Variants in ATRNL1 observed in about 807,000 individuals in gnomAD.
ATRNL1 encodes attractin like 1, also known as attractin-like protein 1.
A neutral mutation model predicts 182.7 loss-of-function variants in ATRNL1; 95 were observed. The ratio of observed to expected loss-of-function variants is 0.52; its 90% CI spans 0.44 to 0.62. The LOEUF is 0.62. Ranked by LOEUF, ATRNL1 falls within the 20% of genes least tolerant of loss-of-function variation. The probability of loss-of-function intolerance (pLI) is 0.00; values close to 1 mark genes in which losing one functional copy is unlikely to be tolerated. For synonymous variants in ATRNL1, 576 were observed against 568.3 expected, an observed-to-expected ratio of 1.01 and a Z score of -0.19; for missense variants, 1,471 against 1,679.5, an observed-to-expected ratio of 0.88 and a Z score of 2.17.
chr10:115,304,864 T>C (rs1159063200), intron 17 of ATRNL1, among the ~76,000 whole-genome samples: 1 of 152,198 alleles, frequency 6.6e-6, no homozygotes, highest in African/African-American at 2.4e-5. Context: ...GGCTTGCATA[T>C]GCATACTAAA....
At chr10:115,468,133 A>G (rs1848141022) in intron 23 of ATRNL1, among the ~76,000 whole-genome samples, 1 of 150,736 alleles carries the variant, frequency 6.6e-6, no homozygotes, top group African/African-American at 2.4e-5. Flanking sequence ...GCATTTTGTT[A>G]CTATTAGTGC....
At chr10:115,812,324 C>T (rs1950064947) in intron 27 of ATRNL1, among the ~76,000 whole-genome samples, 1 of 152,086 alleles carries the variant, frequency 6.6e-6, no homozygotes, top group African/African-American at 2.4e-5. Context: ...TATTTGTTTA[C>T]AAGGTTCTTG....
intron 19 of ATRNL1, among the ~76,000 whole-genome samples, chr10:115,338,912 T>G (rs555449159): frequency 1.3e-5 from 2 of 152,184 alleles, no homozygotes; most frequent in Non-Finnish European, 2.9e-5. Context: ...TGGCAAGAGA[T>G]AGGCTCTAGT....
intron 26 of ATRNL1, among the ~76,000 whole-genome samples, chr10:115,619,975 C>T (rs1392543691): frequency 1.3e-5 from 2 of 152,166 alleles, no homozygotes; most frequent in Non-Finnish European, 2.9e-5. Flanking sequence ...GAGGTGTTTA[C>T]ATTAAGCCAG....
chr10:115,404,231 A>G (rs1844716133), intron 20 of ATRNL1, among the ~76,000 whole-genome samples: 1 of 152,150 alleles, frequency 6.6e-6, no homozygotes, highest in Admixed American at 6.5e-5. Context: ...TCAAAACTAT[A>G]CTAGATTGAA....
chr10:115,191,820 C>T (rs755956817), intron 8 of ATRNL1, among the ~76,000 whole-genome samples: 11 of 152,084 alleles, frequency 7.2e-5, no homozygotes, highest in South Asian at 2.1e-4. Context: ...GTCAATTAAA[C>T]CCCTTTCCTT....
chr10:115,538,839 C>G (rs1215397758), intron 25 of ATRNL1, among the ~76,000 whole-genome samples: 1 of 152,146 alleles, frequency 6.6e-6, no homozygotes, highest in African/African-American at 2.4e-5. Flanking sequence ...ACATTTTGGT[C>G]TATGACAGAC....
intron 22 of ATRNL1, among the ~76,000 whole-genome samples, chr10:115,464,970 T>C (rs1847984289): frequency 6.6e-6 from 1 of 151,698 alleles, no homozygotes; most frequent in African/African-American, 2.4e-5. Flanking sequence ...AACACTACAA[T>C]TATAAGCACT....
intron 27 of ATRNL1, among the ~76,000 whole-genome samples, chr10:115,839,676 A>G (rs1035790800): frequency 6.6e-5 from 10 of 151,574 alleles, no homozygotes; most frequent in Non-Finnish European, 1.0e-4. Flanking sequence ...CTCCGTTACT[A>G]CCCCCAGGAC....
In ATRNL1 at chr10:115,398,749, G is replaced by A. The variant is rs555091684; in HGVS notation, c.3269+3997G>A. ...AGAACTTCAGATACTATGTTGAATG[G>A]AAGTGGTGAGAGAGGGCGTCCTTGT... On this transcript the variant is annotated intron_variant, in intron 20 of 28. Transcript: ENST00000355044. Among the ~76,000 whole-genome samples, 4 of 152,186 alleles carry A rather than the reference G, an allele frequency of 2.6e-5. No homozygotes were observed. In the East Asian group the frequency reaches 5.8e-4, roughly 22 times the overall value.
intron 19 of ATRNL1, among the ~76,000 whole-genome samples, chr10:115,363,925 T>TG (rs1209770269): frequency 6.6e-6 from 1 of 151,780 alleles, no homozygotes; most frequent in Non-Finnish European, 1.5e-5. Context: ...ACTGTAGCCT[T>TG]GTAGTATAGT....
chr10:115,809,534 G>A (rs1593245064), intron 27 of ATRNL1, among the ~76,000 whole-genome samples: 1 of 151,780 alleles, frequency 6.6e-6, no homozygotes, highest in African/African-American at 2.4e-5. Flanking sequence ...TAATAAATTT[G>A]TACCTAAATT....
chr10:115,734,734 C>T (rs1265758953), intron 27 of ATRNL1, among the ~76,000 whole-genome samples: 1 of 151,970 alleles, frequency 6.6e-6, no homozygotes, highest in Non-Finnish European at 1.5e-5. Context: ...AATTAATCAG[C>T]TTATTGTGTC....
intron 25 of ATRNL1, among the ~76,000 whole-genome samples, chr10:115,526,480 C>G (rs1851220898): frequency 6.6e-6 from 1 of 152,090 alleles, no homozygotes; most frequent in African/African-American, 2.4e-5. Context: ...AGGTGTTTTC[C>G]CCATCTTCCA....
intron 24 of ATRNL1, among the ~76,000 whole-genome samples, chr10:115,509,475 TAGTG>T (rs1183389988): frequency 6.6e-6 from 1 of 151,998 alleles, no homozygotes; most frequent in Non-Finnish European, 1.5e-5. Context: ...TTGGTGCTGA[TAGTG>T]AGTGAGTTCT....
At chr10:115,778,833 C>A (rs1949192763) in intron 27 of ATRNL1, among the ~76,000 whole-genome samples, 1 of 152,102 alleles carries the variant, frequency 6.6e-6, no homozygotes, top group South Asian at 2.1e-4. Flanking sequence ...GGCAAAATGA[C>A]CACAAGGCAA....
chr10:115,105,083 G>A (rs138372740), intron 1 of ATRNL1, among the ~76,000 whole-genome samples: 141 of 151,852 alleles, frequency 9.3e-4, no homozygotes, highest in African/African-American at 3.2e-3. Flanking sequence ...TTCTATTTTT[G>A]TGAAAAATGT....
At chr10:115,121,584 CCTAT>C (rs1199962471) in intron 2 of ATRNL1, 111 bp from the exon 3 acceptor site, 75 of 396,544 alleles carry the variant, frequency 1.9e-4, no homozygotes, top group African/African-American at 1.5e-3. Context: ...AATAAAATAC[CCTAT>C]CTAAAGTTTC....
At chr10:115,174,377 T>C (rs1189916891) in intron 8 of ATRNL1, among the ~76,000 whole-genome samples, 3 of 151,882 alleles carry the variant, frequency 2.0e-5, no homozygotes, top group Non-Finnish European at 4.4e-5. Context: ...ACTTTTGAAA[T>C]TTTAAAATGA....
Sources: allele counts gnomAD v4.1 joint callset (sites outside exome capture counted in the v4.1 genomes callset), GRCh38; gene constraint gnomAD v4.1.1; transcripts MANE v1.5; gene names NCBI Gene and HGNC (gene_info 2026-07-23, HGNC 2026-07-21).